The following FHIT variants were observed in gnomAD, a reference collection of about 807,000 sequenced individuals.
The protein encoded by FHIT is fragile histidine triad diadenosine triphosphatase.
A neutral mutation model predicts 17.9 loss-of-function variants in FHIT; 19 were observed. The observed-to-expected ratio is 1.06, with a 90% CI of 0.74 to 1.56. The LOEUF is 1.56. Ranked by LOEUF, FHIT falls within the 40% of genes most tolerant of loss-of-function variation. FHIT has a pLI of 0.00. For synonymous variants in FHIT, 81 were observed against 69.7 expected, an observed-to-expected ratio of 1.16 and a Z score of -0.81; for missense variants, 248 against 189.2, an observed-to-expected ratio of 1.31 and a Z score of -1.82.
chr3:60,320,967 C>T (rs146425576), intron 5 of FHIT, among the ~76,000 whole-genome samples: 2 of 152,244 alleles, frequency 1.3e-5, no homozygotes, highest in South Asian at 4.1e-4. Context: ...AATCAAATGA[C>T]ATGGCCATCA....
chr3:60,719,818 C>T (rs1254123558), intron 4 of FHIT, among the ~76,000 whole-genome samples: 1 of 152,180 alleles, frequency 6.6e-6, no homozygotes, highest in Non-Finnish European at 1.5e-5. Flanking sequence ...ATCCTCAAGT[C>T]CTAAGGTCCA....
intron 2 of FHIT, among the ~76,000 whole-genome samples, chr3:61,125,492 A>T (rs1238227970): frequency 6.6e-6 from 1 of 152,216 alleles, no homozygotes; most frequent in Admixed American, 6.5e-5. Context: ...AAATAACCTG[A>T]TGGATGATCT....
intron 4 of FHIT, among the ~76,000 whole-genome samples, chr3:60,816,079 T>C (rs1337612556): frequency 6.6e-6 from 1 of 152,140 alleles, no homozygotes; most frequent in Non-Finnish European, 1.5e-5. Flanking sequence ...CTGATTTCTG[T>C]ACATTGATTT....
intron 8 of FHIT, among the ~76,000 whole-genome samples, chr3:59,864,780 C>CTTAA (rs1325880603): frequency 6.7e-6 from 1 of 150,354 alleles, no homozygotes; most frequent in Admixed American, 6.7e-5. Context: ...GGCATTCAGA[C>CTTAA]TTAACCCTTT....
At chr3:60,225,822 A>T (rs1704171473) in intron 5 of FHIT, among the ~76,000 whole-genome samples, 1 of 152,090 alleles carries the variant, frequency 6.6e-6, no homozygotes, top group Admixed American at 6.6e-5. Context: ...TGGGGCTGAG[A>T]CAGAATACAG....
intron 1 of FHIT, among the ~76,000 whole-genome samples, chr3:61,227,826 G>A (rs1342105266): frequency 6.6e-6 from 1 of 152,106 alleles, no homozygotes; most frequent in African/African-American, 2.4e-5. Context: ...CGAGTGTGAT[G>A]TTCGGATTAT....
chr3:60,094,811 G>T (rs1703873262), intron 5 of FHIT, among the ~76,000 whole-genome samples: 1 of 91,674 alleles, frequency 1.1e-5, no homozygotes, highest in Non-Finnish European at 2.6e-5. Flanking sequence ...GGGAGAGAGA[G>T]AGAGAGAAGA....
intron 5 of FHIT, among the ~76,000 whole-genome samples, chr3:60,296,075 A>C (rs142464098): frequency 7.9e-5 from 12 of 152,108 alleles, no homozygotes; most frequent in Admixed American, 7.2e-4. Context: ...TTCATGTAAG[A>C]TGTGCCTTTC....
chr3:60,803,604 G>A (rs1433794389), intron 4 of FHIT, among the ~76,000 whole-genome samples: 4 of 152,204 alleles, frequency 2.6e-5, no homozygotes, highest in Non-Finnish European at 5.9e-5. Flanking sequence ...GGTGGTGTGA[G>A]TGGGGAGAAA....
intron 5 of FHIT, among the ~76,000 whole-genome samples, chr3:60,177,059 G>T (rs1311451247): frequency 6.6e-6 from 1 of 152,054 alleles, no homozygotes; most frequent in Non-Finnish European, 1.5e-5. Flanking sequence ...ATGCTCCCAG[G>T]GTGAAAATGA....
At chr3:60,597,965 G>T (rs1553667270) in intron 4 of FHIT, among the ~76,000 whole-genome samples, 4 of 152,102 alleles carry the variant, frequency 2.6e-5, no homozygotes, top group Non-Finnish European at 5.9e-5. Context: ...AAAGAATGTT[G>T]ACAGCTCTTG....
intron 8 of FHIT, among the ~76,000 whole-genome samples, chr3:59,776,194 C>T (rs1313573747): frequency 6.6e-6 from 1 of 152,236 alleles, no homozygotes; most frequent in Non-Finnish European, 1.5e-5. Context: ...TGGCTGGTTT[C>T]TAACAGCACT....
intron 5 of FHIT, among the ~76,000 whole-genome samples, chr3:60,238,286 A>G (rs1301666133): frequency 1.3e-5 from 2 of 151,986 alleles, no homozygotes; most frequent in Admixed American, 1.3e-4. Context: ...GCCCTTAAGT[A>G]TTAATGTACA....
At chr3:60,808,792 C>A (rs1428296985) in intron 4 of FHIT, among the ~76,000 whole-genome samples, 1 of 152,182 alleles carries the variant, frequency 6.6e-6, no homozygotes, top group Admixed American at 6.5e-5. Context: ...GTTCTCCCCC[C>A]TGATTTCTTA....
At chr3:60,868,901 T>C (rs782026135) in intron 3 of FHIT, among the ~76,000 whole-genome samples, 3 of 152,138 alleles carry the variant, frequency 2.0e-5, no homozygotes, top group Non-Finnish European at 2.9e-5. Context: ...CAGAGTGGGA[T>C]AGCAGGCGAG....
At chr3:59,776,831 G>A (rs1702345242) in intron 8 of FHIT, among the ~76,000 whole-genome samples, 1 of 152,136 alleles carries the variant, frequency 6.6e-6, no homozygotes, top group South Asian at 2.1e-4. Flanking sequence ...TATTACAGAT[G>A]AGGAAATTAA....
At chr3:60,145,458 T>C (rs1047499399) in intron 5 of FHIT, among the ~76,000 whole-genome samples, 3 of 152,162 alleles carry the variant, frequency 2.0e-5, no homozygotes, top group Non-Finnish European at 4.4e-5. Flanking sequence ...GATATGAGCA[T>C]TTCCAATGCA....
intron 4 of FHIT, chr3:60,690,289 C>T (rs1398729565): frequency 2.5e-5 from 14 of 554,252 alleles, no homozygotes; most frequent in East Asian, 2.3e-4. Flanking sequence ...GAACACAAAG[C>T]GCTCCATGGC....
intron 2 of FHIT, among the ~76,000 whole-genome samples, chr3:61,116,672 G>C (rs1350745216): frequency 6.6e-6 from 1 of 151,442 alleles, no homozygotes; most frequent in Non-Finnish European, 1.5e-5. Context: ...ATAAAGATGA[G>C]GATACAAACA....
Sources: allele counts gnomAD v4.1 joint callset (sites outside exome capture counted in the v4.1 genomes callset), GRCh38; gene constraint gnomAD v4.1.1; transcripts MANE v1.5; gene names NCBI Gene and HGNC (gene_info 2026-07-23, HGNC 2026-07-21).